ABI3BP: variants seen among roughly 807,000 people sequenced by gnomAD.
ABI3BP encodes target of Nesh-SH3.
Under a neutral mutation model 268.6 loss-of-function variants are expected in ABI3BP, and 216 were observed. The ratio of observed to expected loss-of-function variants is 0.80; its 90% CI spans 0.72 to 0.90. ABI3BP has a LOEUF of 0.90. Among genes scored for constraint, ABI3BP ranks in the 40% least tolerant of loss-of-function variants. The pLI, the probability that ABI3BP is intolerant of heterozygous loss-of-function variation, is 0.00. For synonymous variants in ABI3BP, 730 were observed against 730.0 expected (o/e 1.00, Z 0.00); for missense variants, 2,090 against 2,182.4 (o/e 0.96, Z 0.84).
intron 9 of ABI3BP, among the ~76,000 whole-genome samples, chr3:100,872,976 C>A (rs953859946): frequency 2.6e-5 from 4 of 152,066 alleles, no homozygotes; most frequent in African/African-American, 9.7e-5. Flanking sequence ...GATGTTGAAC[C>A]ATACGTTTTG....
chr3:100,753,049 C>T, intron 65 of ABI3BP, 101 bp from the exon 66 acceptor site: 4 of 1,123,284 alleles, frequency 3.6e-6, no homozygotes, highest in Non-Finnish European at 3.7e-6. Context: ...ACCTTTTTTT[C>T]CCCCCATGCT....
At position 100,825,786 on chromosome 3, in the gene ABI3BP, T is replaced by C. The variant is rs2098371143; in HGVS notation, c.2661A>G (p.Leu887=). ...TFRTEIPATT[L]ATKTSKRTRP... ...GCCAGGTAATTGTAGGGTCGTTACC[T>C]AAGGTTGTTGCAGGGATCTCAGTTC... Residue 887 remains leucine (L), a splice_region_variant and synonymous_variant, in exon 35 of 68, where the codon TTA becomes TTG. Transcript: ENST00000471714. 6.5e-7 allele frequency: 1 copy of C among 1,535,068 alleles called. No homozygotes were observed. Among genetic ancestry groups the C allele is most frequent in the East Asian group, 2.4e-5 (1 of 40,894 alleles).
chr3:100,833,263 G>T (rs982701996), intron 29 of ABI3BP, 106 bp from the exon 30 acceptor site: 3 of 1,013,450 alleles, frequency 3.0e-6, no homozygotes, highest in Non-Finnish European at 2.9e-6. Flanking sequence ...TATAGCGTTG[G>T]TTCTATAGCC....
At chr3:100,873,285 T>C (rs2099127413) in intron 9 of ABI3BP, among the ~76,000 whole-genome samples, 1 of 152,196 alleles carries the variant, frequency 6.6e-6, no homozygotes, top group African/African-American at 2.4e-5. Context: ...ATTAAGTAGC[T>C]TGACATTATG....
In ABI3BP at chr3:100,979,811, G is replaced by A. The variant is rs143752692; in HGVS notation, c.79+13495C>T. Among the ~76,000 whole-genome samples, 1,128 of 152,306 alleles carry A rather than the reference G, an allele frequency of 7.4e-3. 11 individuals are homozygous for A. Among genetic ancestry groups the A allele is most frequent in the African/African-American group, 0.025 (1,032 of 41,566 alleles). On this transcript the variant is annotated intron_variant, in intron 1 of 67. Coordinates refer to ENST00000471714, the MANE Select transcript of ABI3BP (RefSeq NM_001375547.2). ...CAGCTCACAAATTTATGGGATTATA[G>A]GACTCAATGCACATTCCTTGTAAAC...
chr3:100,865,860 G>A (rs1350435904), intron 10 of ABI3BP, among the ~76,000 whole-genome samples: 9 of 152,152 alleles, frequency 5.9e-5, no homozygotes, highest in South Asian at 2.1e-4. Context: ...TATTGATCAC[G>A]TATACGGAAG....
At chr3:100,989,766 A>C (rs2092623820) in intron 1 of ABI3BP, among the ~76,000 whole-genome samples, 1 of 152,200 alleles carries the variant, frequency 6.6e-6, no homozygotes, top group African/African-American at 2.4e-5. Flanking sequence ...CTTTCATTAC[A>C]TATTGTTCTC....
chr3:100,905,082 TA>T (rs1235091448), intron 2 of ABI3BP, among the ~76,000 whole-genome samples: 2 of 152,092 alleles, frequency 1.3e-5, no homozygotes, highest in Admixed American at 1.3e-4. Flanking sequence ...TATGCAGCCA[TA>T]AAAAATGATG....
intron 6 of ABI3BP, among the ~76,000 whole-genome samples, chr3:100,879,454 G>A (rs1418429305): frequency 6.6e-6 from 1 of 152,198 alleles, no homozygotes; most frequent in Non-Finnish European, 1.5e-5. Flanking sequence ...GTCTTTCCAA[G>A]ATACTTAACA....
At chr3:100,850,994 G>A (rs1460180747) in intron 15 of ABI3BP, among the ~76,000 whole-genome samples, 1 of 152,026 alleles carries the variant, frequency 6.6e-6, no homozygotes, top group Admixed American at 6.6e-5. Context: ...CGTTTTTCTG[G>A]TTTCCTCCAT....
chr3:100,781,331 A>G (rs1191148995), intron 57 of ABI3BP, among the ~76,000 whole-genome samples: 1 of 152,186 alleles, frequency 6.6e-6, no homozygotes, highest in Admixed American at 6.5e-5. Flanking sequence ...CATTCAGGGG[A>G]TGAACCTAAT....
intron 6 of ABI3BP, among the ~76,000 whole-genome samples, chr3:100,881,362 T>G (rs2039156783): frequency 6.6e-6 from 1 of 152,170 alleles, no homozygotes; most frequent in South Asian, 2.1e-4. Flanking sequence ...TGATAGTAAC[T>G]GTGGATTTCT....
chr3:100,928,050 C>A lies in ABI3BP; in HGVS notation c.80-1569G>T, dbSNP rs73861992. Among the ~76,000 whole-genome samples the A allele has an allele frequency of 7.2e-3, 1,087 of 151,130 alleles. 14 individuals carry two copies. The highest frequency in any genetic ancestry group is 0.024 in the African/African-American group (990 of 41,146). On this transcript the variant is annotated intron_variant, in intron 1 of 67. Transcript: ENST00000471714. ...ATCTTTCTTTAATCCACTAGGGTGA[C>A]TATTCATGTGTTTCATTGAAGAAAT...
chr3:100,949,708 A>G (rs2074102636), intron 1 of ABI3BP, among the ~76,000 whole-genome samples: 1 of 152,168 alleles, frequency 6.6e-6, no homozygotes, highest in South Asian at 2.1e-4. Flanking sequence ...AGCTCATTGT[A>G]TTGTTTGTGA....
chr3:100,862,666 C>A, intron 13 of ABI3BP, 172 bp downstream of exon 13: 2 of 605,802 alleles, frequency 3.3e-6, no homozygotes, highest in Non-Finnish European at 2.8e-6. Flanking sequence ...TGGGTTTTAC[C>A]GAATTTGCAG....
intron 43 of ABI3BP, chr3:100,816,385 T>A (rs1275102826): frequency 2.0e-6 from 1 of 510,210 alleles, no homozygotes. Flanking sequence ...CATGTTTCAA[T>A]GCAGATATAG....
chr3:100,886,440 T>C (rs745633996), intron 4 of ABI3BP, 117 bp from the exon 5 acceptor site: 1 of 685,664 alleles, frequency 1.5e-6, no homozygotes, highest in Non-Finnish European at 2.1e-6. Flanking sequence ...AATATTGGCT[T>C]CTCTTCCGAT....
chr3:100,809,055 G>T (rs1051011630), intron 49 of ABI3BP, among the ~76,000 whole-genome samples: 2 of 152,046 alleles, frequency 1.3e-5, no homozygotes, highest in Non-Finnish European at 2.9e-5. Flanking sequence ...GTTTCTGAAG[G>T]AGTCTGCAGA....
At chr3:100,761,155 A>G (rs1341724570) in intron 63 of ABI3BP, among the ~76,000 whole-genome samples, 3 of 152,180 alleles carry the variant, frequency 2.0e-5, no homozygotes, top group African/African-American at 4.8e-5. Context: ...GAGGACCTCT[A>G]GGTTAGAAAT....
Sources: gnomAD v4.1 joint callset for allele counts (sites outside exome capture counted in the v4.1 genomes callset) on GRCh38, gnomAD v4.1.1 for gene constraint, MANE v1.5 for transcripts, NCBI Gene and HGNC (gene_info 2026-07-23, HGNC 2026-07-21) for gene names.